Variants in MYO16 observed in about 807,000 individuals in gnomAD.
MYO16 encodes unconventional myosin-XVI.
In MYO16, 94 loss-of-function variants were observed where a neutral mutation model predicts 205.3. That is an observed-to-expected ratio of 0.46 (90% CI 0.39 to 0.54). The LOEUF (loss-of-function observed/expected upper bound fraction) is 0.54. MYO16 is among the 20% of genes least tolerant of loss of function. The probability of loss-of-function intolerance (pLI) is 0.00; values close to 1 mark genes in which losing one functional copy is unlikely to be tolerated. For synonymous variants in MYO16, 988 were observed against 954.0 expected, an observed-to-expected ratio of 1.04 and a Z score of -0.66; for missense variants, 2,315 against 2,387.5, an observed-to-expected ratio of 0.97 and a Z score of 0.63.
chr13:108,693,168 A>T (rs1284649686), intron 2 of MYO16, among the ~76,000 whole-genome samples: 6 of 152,210 alleles, frequency 3.9e-5, no homozygotes, highest in African/African-American at 1.4e-4. Flanking sequence ...ATATGACTTA[A>T]GAAGTTTATA....
chr13:108,938,365 A>T (rs1882580907), intron 16 of MYO16, among the ~76,000 whole-genome samples: 1 of 152,228 alleles, frequency 6.6e-6, no homozygotes, highest in African/African-American at 2.4e-5. Flanking sequence ...TGGAATGCAC[A>T]GTGGTCTGAG....
chr13:108,941,196 A>T (rs561523710), intron 16 of MYO16, among the ~76,000 whole-genome samples: 3 of 152,198 alleles, frequency 2.0e-5, no homozygotes, highest in Non-Finnish European at 4.4e-5. Flanking sequence ...TCTGTGCCTG[A>T]TGAGTGGTTT....
chr13:108,576,813 G>A, the MYO16 span, among the ~76,000 whole-genome samples: 1 of 151,958 alleles, frequency 6.6e-6, no homozygotes, highest in Non-Finnish European at 1.5e-5. Context: ...CCAGGCTGGA[G>A]TGCAGTGGTG....
intron 27 of MYO16, among the ~76,000 whole-genome samples, chr13:109,085,619 C>T (rs946000895): frequency 2.6e-4 from 40 of 152,292 alleles, no homozygotes; most frequent in African/African-American, 9.4e-4. Flanking sequence ...GAGTACATAA[C>T]ATTTTTAAGT....
At chr13:109,184,279 C>T (rs540422773) in intron 34 of MYO16, among the ~76,000 whole-genome samples, 4 of 152,126 alleles carry the variant, frequency 2.6e-5, no homozygotes, top group South Asian at 4.2e-4. Flanking sequence ...TCAGGGAATC[C>T]GTACTCACCA....
chr13:108,687,843 G>A (rs1028564119), intron 2 of MYO16, among the ~76,000 whole-genome samples: 1 of 152,156 alleles, frequency 6.6e-6, no homozygotes, highest in Non-Finnish European at 1.5e-5. Context: ...CAGAAGGACT[G>A]GGATAATAAA....
At chr13:108,779,260 A>T (rs1451552597) in intron 4 of MYO16, among the ~76,000 whole-genome samples, 1 of 152,226 alleles carries the variant, frequency 6.6e-6, no homozygotes, top group Non-Finnish European at 1.5e-5. Flanking sequence ...CATTCTTGAA[A>T]GGTGTCTTGT....
chr13:108,543,737 T>C, the MYO16 span, among the ~76,000 whole-genome samples: 440 of 84,006 alleles, frequency 5.2e-3, 3 homozygotes, highest in African/African-American at 0.019. Flanking sequence ...CCTTCCTTTT[T>C]TTCTTTTTTT....
chr13:108,878,766 G>A (rs1402023872), intron 12 of MYO16, among the ~76,000 whole-genome samples: 1 of 152,224 alleles, frequency 6.6e-6, no homozygotes, highest in Non-Finnish European at 1.5e-5. Flanking sequence ...TGCTGGCCCA[G>A]GCTCCTGTAC....
At chr13:108,949,087 T>G (rs1883045536) in intron 16 of MYO16, among the ~76,000 whole-genome samples, 1 of 152,234 alleles carries the variant, frequency 6.6e-6, no homozygotes, top group Non-Finnish European at 1.5e-5. Flanking sequence ...TGAAAACCAT[T>G]TCTTGTCCAA....
chr13:109,076,708 A>G lies in MYO16; in HGVS notation c.3335+21113A>G, dbSNP rs115285179. Among the ~76,000 whole-genome samples the G allele has an allele frequency of 6.9e-3, 1,052 of 152,224 alleles. 13 individuals are homozygous for G. The highest frequency in any genetic ancestry group is 0.024 in the African/African-American group (998 of 41,542). ...AAATGGTCCTAAGAGAGTGGGGTGG[A>G]CCTCTGGGGCTGTTTTCCTCTTCCA... is the stretch of plus-strand genomic sequence containing the variant. On this transcript the variant is annotated intron_variant, in intron 27 of 34. Coordinates refer to ENST00000457511, the MANE Select transcript of MYO16 (RefSeq NM_001198950.3).
At chr13:108,676,372 CGTGTGT>C (rs35790433) in intron 2 of MYO16, among the ~76,000 whole-genome samples, 5,095 of 131,722 alleles carry the variant, frequency 0.039, 237 homozygotes, top group East Asian at 0.2. Flanking sequence ...TATATGTACG[CGTGTGT>C]GTGTGTGTGT....
chr13:108,699,493 A>G (rs1291727272), intron 2 of MYO16, among the ~76,000 whole-genome samples: 2 of 152,162 alleles, frequency 1.3e-5, no homozygotes, highest in Non-Finnish European at 2.9e-5. Context: ...AGAGCATTAT[A>G]TAGAGAGAAA....
At chr13:108,591,396 G>A (rs924077090), upstream of MYO16, among the ~76,000 whole-genome samples, 5 of 152,012 alleles carry the variant, frequency 3.3e-5, no homozygotes, top group Non-Finnish European at 7.4e-5. Context: ...TGAAAATCTA[G>A]TTGAAAATTG....
At chr13:109,012,676 G>A (rs1885642080) in intron 22 of MYO16, among the ~76,000 whole-genome samples, 1 of 152,002 alleles carries the variant, frequency 6.6e-6, no homozygotes, top group Admixed American at 6.6e-5. Flanking sequence ...TGGTCAGAAG[G>A]TATTCCATAT....
At chr13:108,704,816 T>A (rs1311247642) in intron 2 of MYO16, among the ~76,000 whole-genome samples, 1 of 151,876 alleles carries the variant, frequency 6.6e-6, no homozygotes, top group African/African-American at 2.4e-5. Flanking sequence ...ATAAAAGGAA[T>A]GTTACAATAA....
In MYO16 at chr13:108,948,861, A is replaced by G. The variant is rs944015377; in HGVS notation, c.1926-8827A>G. Among the ~76,000 whole-genome samples, 3 of 152,208 alleles carry G rather than the reference A, an allele frequency of 2.0e-5. No individual in the cohort carries two copies. The East Asian group carries it at 5.8e-4, about 29-fold the overall frequency. ...TAGTTTTACTTTGCCTCAAAGCAAA[A>G]GTATTAGCACACACACCCACACTCA... On this transcript the variant is annotated intron_variant, in intron 16 of 34. Transcript: ENST00000457511.
intron 24 of MYO16, chr13:109,048,691 A>G (rs1379226267): frequency 2.4e-5 from 5 of 206,408 alleles, no homozygotes; most frequent in African/African-American, 4.6e-5. Flanking sequence ...GCTTGTACAT[A>G]TTTATTAAAA....
chr13:108,599,637 A>G (rs1350993492), intron 1 of MYO16, among the ~76,000 whole-genome samples: 1 of 151,204 alleles, frequency 6.6e-6, no homozygotes, highest in African/African-American at 2.4e-5. Context: ...ATCAGTGAAG[A>G]AGTAGAGCTA....
Sources: allele counts gnomAD v4.1 joint callset (sites outside exome capture counted in the v4.1 genomes callset), GRCh38; gene constraint gnomAD v4.1.1; transcripts MANE v1.5; gene names NCBI Gene and HGNC (gene_info 2026-07-23, HGNC 2026-07-21).